CWC25: variants seen among roughly 807,000 people sequenced by gnomAD.
CWC25 encodes the protein CWC25 spliceosome associated protein, also known as pre-mRNA-splicing factor CWC25 homolog.
A neutral mutation model predicts 54.6 loss-of-function variants in CWC25; 31 were observed. The observed-to-expected ratio is 0.57, with a 90% confidence interval of 0.43 to 0.77. CWC25 has a LOEUF of 0.77. Ranked by LOEUF, CWC25 falls within the 30% of genes least tolerant of loss-of-function variation. The pLI, the probability that CWC25 is intolerant of heterozygous loss-of-function variation, is 0.00. For missense variants in CWC25, 453 were observed against 529.3 expected (o/e 0.86, Z 1.41); for synonymous variants, 151 against 187.0 (o/e 0.81, Z 1.57).
chr17:38,815,010 G>T lies in CWC25; in HGVS notation c.279C>A (p.Asp93Glu). ...RDEYLLGRPI[D>E]KYVFEKMEEK... The stretch of plus-strand genomic sequence containing the variant: ...CCTCCATCTTCTCAAAAACATATTT[G>T]TCAATGGGGCGCCCCAGCAGGTACT... Residue 93 changes from aspartate (D) to glutamate (E), a missense_variant, in exon 3 of 10, where the codon GAC becomes GAA. Around this residue, in one of 2 missense-constraint regions of CWC25, gnomAD observed 444 missense variants for 499.2 expected, o/e 0.89. Coordinates refer to ENST00000614790, the MANE Select transcript of CWC25 (RefSeq NM_017748.5). 6.2e-7 allele frequency: 1 copy of T among 1,613,898 alleles called. No homozygotes were observed. Among genetic ancestry groups the T allele is most frequent in the Non-Finnish European group, 8.5e-7 (1 of 1,179,888 alleles).
chr17:38,824,550 G>A (rs1912062916), intron 1 of CWC25, among the ~76,000 whole-genome samples: 1 of 152,154 alleles, frequency 6.6e-6, no homozygotes, highest in Non-Finnish European at 1.5e-5. Flanking sequence ...GCCGGGTGTG[G>A]TGGCGCATGC....
rs1911035709 is a variant in CWC25 at position 38,801,780 on chromosome 17, G to A, written c.*312C>T. 8.1e-6 allele frequency: 2 copies of A among 245,454 alleles called. No individual in the cohort carries two copies. Among genetic ancestry groups the A allele is most frequent in the Admixed American group, 1.1e-4 (2 of 18,226 alleles). The allele number at this position is 245,454 out of a possible 1,614,324, so 15.2% of individuals were successfully genotyped here. A position where few individuals can be genotyped will look rare whatever the true frequency, so the allele number is the denominator to read the frequency against. On this transcript the variant is annotated 3_prime_UTR_variant, in exon 10 of 10. Transcript: ENST00000614790. ...GAAATAGGTCTGTTGGCACAGGTAAGAAGGAAGTGGCATGATAAACATCAC... is the reference window on the plus strand; with the variant it reads ...GAAATAGGTCTGTTGGCACAGGTAAAAAGGAAGTGGCATGATAAACATCAC...
At chr17:38,818,203 G>A (rs1021964889) in intron 2 of CWC25, among the ~76,000 whole-genome samples, 12 of 151,434 alleles carry the variant, frequency 7.9e-5, no homozygotes, top group African/African-American at 2.9e-4. Context: ...TTGAACCCAG[G>A]AGGCAGATGT....
At position 38,800,757 on chromosome 17, in the gene CWC25, G is replaced by C. The variant is rs969659274; in HGVS notation, c.*1335C>G. The C allele has an allele frequency of 6.6e-6, 1 of 152,186 alleles. No homozygotes were observed. The allele number at this position is 152,186 out of a possible 1,614,324, so 9.4% of individuals were successfully genotyped here. On this transcript the variant is annotated 3_prime_UTR_variant, in exon 10 of 10. Transcript: ENST00000614790. ...AGAGAAGGGAAAAGGAGTAAAGACA[G>C]GAGAGTGGCCCCTCGAGGGTTTTGT...
intron 4 of CWC25, 83 bp downstream of exon 4, chr17:38,812,712 G>T: frequency 1.3e-6 from 1 of 784,646 alleles, no homozygotes; most frequent in Non-Finnish European, 2.1e-6. Flanking sequence ...TTTTTCCCCT[G>T]GTAAGCTGAG....
chr17:38,810,579 T>C lies in CWC25; in HGVS notation c.515A>G (p.Glu172Gly). 1 of 1,512,436 alleles carries C rather than the reference T, an allele frequency of 6.6e-7. No individual in the cohort carries two copies. Among genetic ancestry groups the C allele is most frequent in the Non-Finnish European group, 9.0e-7 (1 of 1,107,624 alleles). 93.7% of individuals were successfully genotyped at this position (1,512,436 alleles called of 1,614,324 possible). A position where few individuals can be genotyped will look rare whatever the true frequency, so the allele number is the denominator to read the frequency against. The change falls in exon 5 of 10, where the codon GAA becomes GGA. Residue 172 changes from glutamate (E) to glycine (G), a missense_variant. Glu to Gly is a moderately conservative substitution (Grantham distance 98). This residue lies in a region of CWC25 where 444 missense variants were observed against 499.2 expected (regional missense o/e 0.89). Coordinates refer to ENST00000614790, the MANE Select transcript of CWC25 (RefSeq NM_017748.5). ...KIKELLQMSL[E>G]KKEKKKKKEK... Reference sequence around the variant, plus strand: ...CTTCTTTTTCTTCTTCTCCTTTTTTTCCAGACTCATTTGCAACTGGAAAAT... The same window carrying C: ...CTTCTTTTTCTTCTTCTCCTTTTTTCCCAGACTCATTTGCAACTGGAAAAT...
At position 38,807,821 on chromosome 17, in the gene CWC25, G is replaced by A. The variant is rs1167805381; in HGVS notation, c.691-845C>T. 2.9e-4 allele frequency among the ~76,000 whole-genome samples: 40 copies of A among 138,434 alleles called. 6 individuals carry two copies. Among genetic ancestry groups the A allele is most frequent in the Admixed American group, 3.9e-4 (5 of 12,770 alleles). 90.8% of individuals were successfully genotyped at this position (138,434 alleles called of 152,430 possible). On this transcript the variant is annotated intron_variant, in intron 6 of 9. Transcript: ENST00000614790. ...TGCCTGTAATCCCAGCACTTTGGGA[G>A]GCTGAGGCAGGCAGATCACGAGGCC...
chr17:38,809,607 C>T (rs1043084481), intron 6 of CWC25, 95 bp downstream of exon 6: 1 of 1,173,962 alleles, frequency 8.5e-7, no homozygotes, highest in Non-Finnish European at 1.2e-6. Flanking sequence ...CCCAGCAGCC[C>T]AGGCTTCACT....
At chr17:38,804,861 C>T (rs1911169589) in intron 8 of CWC25, among the ~76,000 whole-genome samples, 1 of 149,664 alleles carries the variant, frequency 6.7e-6, no homozygotes, top group South Asian at 2.1e-4. Flanking sequence ...AATCCCAGCA[C>T]TCTGGGAGGC....
In CWC25 at chr17:38,801,807, A is replaced by C; in HGVS notation, c.*285T>G. The C allele has an allele frequency of 6.7e-6, 2 of 298,796 alleles. No homozygotes were observed. Among genetic ancestry groups the C allele is most frequent in the Non-Finnish European group, 1.2e-5 (2 of 161,344 alleles). The allele number at this position is 298,796 out of a possible 1,614,324, so 18.5% of individuals were successfully genotyped here. Reference sequence around the variant, plus strand: ...AGGAAGTGGCATGATAAACATCACAACCCCAGGGAACAGCCTTCCAGAGTG... The same window carrying C: ...AGGAAGTGGCATGATAAACATCACACCCCCAGGGAACAGCCTTCCAGAGTG... On this transcript the variant is annotated 3_prime_UTR_variant, in exon 10 of 10. Transcript: ENST00000614790.
At chr17:38,809,864 C>T in intron 5 of CWC25, 99 bp from the exon 6 acceptor site, 2 of 1,082,378 alleles carry the variant, frequency 1.8e-6, no homozygotes, top group East Asian at 2.6e-5. Context: ...TCCAATGTGA[C>T]CTTTCCGCCT....
intron 6 of CWC25, among the ~76,000 whole-genome samples, chr17:38,809,434 A>AC (rs1257734665): frequency 5.3e-5 from 8 of 151,896 alleles, no homozygotes; most frequent in Admixed American, 1.3e-4. Flanking sequence ...CTCAAAAAAA[A>AC]AAAAAAACAA....
Position 38,809,725 on chromosome 17 carries a change from T to C in CWC25, c.667A>G (p.Lys223Glu), listed in dbSNP as rs1302192463. ...ACCTGTAAGCCATATCCAGGGACTT[T>C]GGACAAAACAGGGGAGGAATTTGCC... ...KMANSSPVLS[K>E]VPGYGLQVRN... The change falls in exon 6 of 10, where the codon AAA becomes GAA. Residue 223 changes from lysine (K) to glutamate (E), a missense_variant. Transcript: ENST00000614790. 6.2e-7 allele frequency: 1 copy of C among 1,613,946 alleles called. No homozygotes were observed. The highest frequency in any genetic ancestry group is 2.2e-5 in the East Asian group (1 of 44,876).
At chr17:38,806,200 C>T (rs1004082604) in intron 8 of CWC25, 97 bp downstream of exon 8, 14 of 1,102,280 alleles carry the variant, frequency 1.3e-5, no homozygotes, top group East Asian at 1.0e-4. Flanking sequence ...GTTGGTTCGT[C>T]GAAAAGGTAA....
rs758294856 is a variant in CWC25, at chr17:38,802,144, T to A, written c.1226A>T (p.Tyr409Phe). 7 of 1,613,624 alleles carry A rather than the reference T, an allele frequency of 4.3e-6. No individual in the cohort carries two copies. In the African/African-American group the frequency reaches 9.3e-5, roughly 22 times the overall value. ...SLEDRVKRNI[Y>F]SLQRTSVALE... ...AGCTACCGAAGTTCTCTGTAAAGAG[T>A]AGATATTCCGCTTCACCCGATCCTC... The change falls in exon 10 of 10, where the codon TAC becomes TTC. Residue 409 changes from tyrosine to phenylalanine, a missense_variant. Tyr to Phe is a conservative substitution (Grantham distance 22, BLOSUM62 3). Around this residue, in one of 2 missense-constraint regions of CWC25, gnomAD observed 444 missense variants for 499.2 expected, o/e 0.89. Transcript: ENST00000614790.
chr17:38,816,053 A>G (rs1006408215), intron 2 of CWC25, among the ~76,000 whole-genome samples: 4 of 152,100 alleles, frequency 2.6e-5, no homozygotes, highest in Admixed American at 2.0e-4. Context: ...CCACACAAAC[A>G]TTTCCCTGCG....
At position 38,818,311 on chromosome 17, in the gene CWC25, C is replaced by G. The variant is rs527611412; in HGVS notation, c.191+2590G>C. ...ATAAAATAAATAACAAAAATAAAAC[C>G]AGCCGGGCACTGTGGCTCACATCTG... On this transcript the variant is annotated intron_variant, in intron 2 of 9. Coordinates refer to ENST00000614790, the MANE Select transcript of CWC25 (RefSeq NM_017748.5). Among the ~76,000 whole-genome samples, 16 of 148,894 alleles carry G rather than the reference C, an allele frequency of 1.1e-4. No homozygotes were observed. In the South Asian group the frequency reaches 3.2e-3, roughly 30 times the overall value.
At chr17:38,805,894 C>T (rs1911217168) in intron 8 of CWC25, among the ~76,000 whole-genome samples, 1 of 151,942 alleles carries the variant, frequency 6.6e-6, no homozygotes, top group Admixed American at 6.6e-5. Flanking sequence ...CTCACTGTAA[C>T]CTCCAACCCC....
chr17:38,821,104 T>A (rs770101291), intron 1 of CWC25, 31 bp from the exon 2 acceptor site: 1 of 1,598,440 alleles, frequency 6.3e-7, no homozygotes, highest in South Asian at 1.1e-5. Context: ...GTGATGATAA[T>A]TCGGGGGGTG....
Sources: allele counts gnomAD v4.1 joint callset (sites outside exome capture counted in the v4.1 genomes callset), GRCh38; gene constraint gnomAD v4.1.1; regional missense constraint gnomAD v4.1.1; transcripts MANE v1.5; gene names NCBI Gene and HGNC (gene_info 2026-07-23, HGNC 2026-07-21).